BCAR1: variants seen among roughly 807,000 people sequenced by gnomAD.
The protein encoded by BCAR1 is breast cancer anti-estrogen resistance protein 1.
BCAR1 carries 30 observed loss-of-function variants against 67.6 expected under a neutral mutation model. The observed-to-expected ratio is 0.44, with a 90% CI of 0.33 to 0.60. The LOEUF (loss-of-function observed/expected upper bound fraction) is 0.60. Among genes scored for constraint, BCAR1 ranks in the 20% least tolerant of loss-of-function variants. The pLI is 0.02. For synonymous variants in BCAR1, 626 were observed against 556.7 expected (o/e 1.12, Z -1.75); for missense variants, 1,313 against 1,222.3 (o/e 1.07, Z -1.11).
chr16:75,231,115 TA>T (rs1207796271), intron 6 of BCAR1, among the ~76,000 whole-genome samples: 4 of 150,976 alleles, frequency 2.6e-5, no homozygotes, highest in African/African-American at 9.7e-5. Context: ...TTTTTTTTTT[TA>T]AATGGAGTCT....
chr16:75,232,809 C>T (rs1433964678), intron 6 of BCAR1, among the ~76,000 whole-genome samples: 2 of 152,186 alleles, frequency 1.3e-5, no homozygotes, highest in Admixed American at 6.5e-5. Flanking sequence ...TCTCATGAGG[C>T]GGCTGCAGCC....
At chr16:75,248,284 C>T in intron 1 of BCAR1, 1 of 1,434,804 alleles carries the variant, frequency 7.0e-7, no homozygotes, top group Non-Finnish European at 9.1e-7. Context: ...ATGCACCCGC[C>T]CCAGCACAGA....
Position 75,267,115 on chromosome 16 carries a change from C to CCTTGCAAA in BCAR1, c.66+799_66+800insTTTGCAAG, listed in dbSNP as rs2078020223. Among the ~76,000 whole-genome samples, 3 of 152,258 alleles carry CCTTGCAAA rather than the reference C, an allele frequency of 2.0e-5. No homozygotes were observed. In the South Asian group the frequency reaches 6.2e-4, roughly 32 times the overall value. ...GTTTTCAGCCTTTTTCCCCAAGGGGCGTGCAGCCTTGATCTTTTCTCCAGG... is the reference window on the plus strand; with the variant it reads ...GTTTTCAGCCTTTTTCCCCAAGGGGCCTTGCAAAGTGCAGCCTTGATCTTTTCTCCAGG... On this transcript the variant is annotated intron_variant, in intron 1 of 6. Coordinates refer to the BCAR1 transcript ENST00000393422.
rs2077382441 is a variant in BCAR1 at position 75,242,556 on chromosome 16, G to A, written c.547C>T (p.Pro183Ser). 1 of 1,493,054 alleles carries A rather than the reference G, an allele frequency of 6.7e-7. No individual in the cohort carries two copies. The highest frequency in any genetic ancestry group is 8.9e-7 in the Non-Finnish European group (1 of 1,121,730). 92.5% of individuals were successfully genotyped at this position (1,493,054 alleles called of 1,614,324 possible). ...ATGTCATGCCCCATCCCGGCAGAAG[G>A]TGGCACCTGGTAAATATCCTGGGCA... ...GPAQDIYQVP[P>S]SAGMGHDIYQ... is the part of the protein sequence containing the mutation. Residue 183 changes from proline to serine, a missense_variant, in exon 2 of 7, where the codon CCT becomes TCT. Physicochemically the swap from Pro to Ser is moderately conservative, Grantham distance 74. Coordinates refer to ENST00000162330, the MANE Select transcript of BCAR1 (RefSeq NM_014567.5).
chr16:75,242,166 A>G (rs1306118138), intron 2 of BCAR1, among the ~76,000 whole-genome samples: 2 of 152,130 alleles, frequency 1.3e-5, no homozygotes, highest in Admixed American at 6.5e-5. Flanking sequence ...TGCCGACCCC[A>G]TGTGCCAAGC....
At chr16:75,238,300 G>A (rs1295602498) in intron 2 of BCAR1, 8 of 1,146,674 alleles carry the variant, frequency 7.0e-6, no homozygotes, top group Non-Finnish European at 8.7e-6. Context: ...GGCACACTGC[G>A]CCCACACGCC....
intron 2 of BCAR1, chr16:75,238,415 C>G: frequency 9.6e-7 from 1 of 1,046,782 alleles, no homozygotes; most frequent in African/African-American, 1.7e-5. Flanking sequence ...CCCCGCACAT[C>G]CCCCAGGGCA....
chr16:75,250,543 C>A (rs1725880539), intron 1 of BCAR1: 1 of 763,186 alleles, frequency 1.3e-6, no homozygotes, highest in Non-Finnish European at 1.6e-6. Context: ...CAGGAGGGAA[C>A]GGGAGCCTTG....
intron 1 of BCAR1, among the ~76,000 whole-genome samples, chr16:75,244,151 G>C (rs553448737): frequency 8.6e-4 from 131 of 152,308 alleles, no homozygotes; most frequent in Middle Eastern, 3.4e-3. Context: ...CACCCCACCA[G>C]CCTGGCCTCA....
intron 1 of BCAR1, 63 bp downstream of exon 1, chr16:75,251,408 C>A: frequency 6.8e-7 from 1 of 1,477,046 alleles, no homozygotes; most frequent in African/African-American, 1.5e-5. Flanking sequence ...GCTCGCTTAA[C>A]CCCTTCCAGC....
At chr16:75,236,477 G>A in intron 4 of BCAR1, 1 of 335,380 alleles carries the variant, frequency 3.0e-6, no homozygotes, top group Non-Finnish European at 5.4e-6. Context: ...TTTCTACTCT[G>A]CAGCAGGTGT....
At position 75,239,833 on chromosome 16, in the gene BCAR1, G is replaced by T. The variant is rs374353458; in HGVS notation, c.634-2489C>A. The stretch of plus-strand genomic sequence containing the variant: ...AGGTCCCAGCACAGGGGAGCCTGGG[G>T]CAAGATGAAGCTTCTAGGGCGAGGA... On this transcript the variant is annotated intron_variant, in intron 2 of 6. Transcript: ENST00000162330. 2.6e-3 allele frequency among the ~76,000 whole-genome samples: 392 copies of T among 152,312 alleles called. 1 individual carries two copies. Among genetic ancestry groups the T allele is most frequent in the Non-Finnish European group, 3.9e-3 (265 of 68,010 alleles).
chr16:75,264,628 G>C lies in BCAR1; in HGVS notation c.66+3287C>G, dbSNP rs376706469. 49 of 1,266,924 alleles carry C rather than the reference G, an allele frequency of 3.9e-5. No individual in the cohort carries two copies. The African/African-American group carries it at 6.7e-4, about 17-fold the overall frequency. The allele number at this position is 1,266,924 out of a possible 1,614,324, so 78.5% of individuals were successfully genotyped here. On this transcript the variant is annotated intron_variant, in intron 1 of 6. Coordinates refer to the BCAR1 transcript ENST00000393422. ...TGTAAATACATTACCACTTCTGGAG[G>C]CGAGCAGGAGCGGGCTCTTTAATTC...
At chr16:75,248,301 C>T in intron 1 of BCAR1, 3 of 1,401,900 alleles carry the variant, frequency 2.1e-6, no homozygotes, top group Non-Finnish European at 2.8e-6. Context: ...CAGAGCCTCG[C>T]ACATAGCAGG....
In BCAR1 at chr16:75,236,911, T is replaced by C. The variant is rs759815861; in HGVS notation, c.883A>G (p.Lys295Glu). 4.2e-5 allele frequency: 67 copies of C among 1,611,774 alleles called. No homozygotes were observed. Among genetic ancestry groups the C allele is most frequent in the Non-Finnish European group, 5.3e-5 (63 of 1,179,128 alleles). ...EVYDVPPSVE[K>E]GLPPSNHHAV... is the part of the protein sequence containing the mutation. ...TGGTGGTTGGACGGTGGCAGGCCCT[T>C]CTCCACACTGGGGGGCACGTCATAC... The change falls in exon 4 of 7, where the codon AAG (lysine) becomes GAG (glutamate). Residue 295 changes from lysine to glutamate, a missense_variant. Lys to Glu is a moderately conservative substitution (Grantham distance 56). This residue lies in a region of BCAR1 where 1,272 missense variants were observed against 1,137.5 expected (regional missense o/e 1.12). Transcript: ENST00000162330.
Position 75,267,404 on chromosome 16 carries a change from G to T in BCAR1, c.66+511C>A, listed in dbSNP as rs1227935156. Among the ~76,000 whole-genome samples, 4 of 133,300 alleles carry T rather than the reference G, an allele frequency of 3.0e-5. No homozygotes were observed. The East Asian group carries it at 6.7e-4, about 22-fold the overall frequency. 87.4% of individuals were successfully genotyped at this position (133,300 alleles called of 152,430 possible). On this transcript the variant is annotated intron_variant, in intron 1 of 6. Transcript: ENST00000393422. ...AGGGCCACAGCAAGCCGGGGGGGGG[G>T]TGGGGGGCCTGGACCGACAGCTGCC...
chr16:75,253,941 C>T (rs1474003917), upstream of BCAR1, among the ~76,000 whole-genome samples: 1 of 151,890 alleles, frequency 6.6e-6, no homozygotes, highest in Admixed American at 6.6e-5. Context: ...ACACAGCAAT[C>T]CTGCAAAACA....
intron 5 of BCAR1, among the ~76,000 whole-genome samples, chr16:75,234,144 C>T (rs551703871): frequency 6.7e-6 from 1 of 148,274 alleles, no homozygotes; most frequent in South Asian, 2.2e-4. Context: ...CAGACTGGCA[C>T]GTGCAGGGGC....
chr16:75,267,890 G>T, intron 1 of BCAR1: 1 of 1,587,258 alleles, frequency 6.3e-7, no homozygotes, highest in Non-Finnish European at 8.6e-7. Flanking sequence ...GGAGAGAGGG[G>T]ACCCTGGCTA....
Sources: allele counts gnomAD v4.1 joint callset (sites outside exome capture counted in the v4.1 genomes callset), GRCh38; gene constraint gnomAD v4.1.1; regional missense constraint gnomAD v4.1.1; transcripts MANE v1.5; gene names NCBI Gene and HGNC (gene_info 2026-07-23, HGNC 2026-07-21).